The following RASEF variants were observed in gnomAD, a reference collection of about 807,000 sequenced individuals.
RASEF encodes the protein ras and EF-hand domain-containing protein.
In RASEF, 68 loss-of-function variants were observed where a neutral mutation model predicts 90.1. The ratio of observed to expected loss-of-function variants is 0.75; its 90% CI spans 0.62 to 0.92. The LOEUF is 0.92. Among genes scored for constraint, RASEF ranks in the 40% least tolerant of loss-of-function variants. The pLI is 0.00. For synonymous variants in RASEF, 331 were observed against 345.2 expected (o/e 0.96, Z 0.46); for missense variants, 949 against 937.2 (o/e 1.01, Z -0.16).
the RASEF span, among the ~76,000 whole-genome samples, chr9:83,216,523 C>T: frequency 5.3e-3 from 811 of 152,254 alleles, 9 homozygotes; most frequent in African/African-American, 0.019. Context: ...AGCCAAGAAC[C>T]GAGGTTTGGA....
intron 7 of RASEF, 29 bp downstream of exon 7, chr9:83,007,408 T>C: frequency 6.5e-7 from 1 of 1,529,198 alleles, no homozygotes; most frequent in Non-Finnish European, 9.1e-7. Context: ...GAAATGTAAA[T>C]GTAATGAGCA....
chr9:83,087,645 A>C, the RASEF span, among the ~76,000 whole-genome samples: 1 of 150,914 alleles, frequency 6.6e-6, no homozygotes, highest in African/African-American at 2.4e-5. Context: ...GATTTTATTG[A>C]GTCTTGTCTA....
the RASEF span, among the ~76,000 whole-genome samples, chr9:83,201,546 T>G: frequency 6.6e-6 from 1 of 152,220 alleles, no homozygotes; most frequent in Non-Finnish European, 1.5e-5. Flanking sequence ...GAAATGTTTT[T>G]GGAGTGAAAC....
At chr9:83,177,221 T>C in the RASEF span, among the ~76,000 whole-genome samples, 1 of 152,292 alleles carries the variant, frequency 6.6e-6, no homozygotes, top group African/African-American at 2.4e-5. Flanking sequence ...TATTTGTGCA[T>C]GTGTGAATGG....
At position 83,000,245 on chromosome 9, in the gene RASEF, G is replaced by A. The variant is rs1437016427; in HGVS notation, c.1647C>T (p.Asp549=). 19 of 1,613,764 alleles carry A rather than the reference G, an allele frequency of 1.2e-5. No individual in the cohort carries two copies. Among genetic ancestry groups the A allele is most frequent in the Admixed American group, 3.3e-5 (2 of 59,978 alleles). Residue 549 remains aspartate (D), a synonymous_variant, in exon 12 of 17, where the codon GAC becomes GAT. Transcript: ENST00000376447. ...QKAYKIVLAG[D]AAVGKSSFLM... is the part of the protein sequence containing the mutation. ...GGAAACTAGACTTCCCCACTGCAGC[G>A]TCCCCAGCAAGTACAATCTTGTAAG...
intron 1 of RASEF, among the ~76,000 whole-genome samples, chr9:83,042,921 C>T (rs1948797): frequency 0.011 from 1,614 of 152,292 alleles, 26 homozygotes; most frequent in South Asian, 0.082. Flanking sequence ...GGCAGCCTGA[C>T]GGCAAGGACA....
chr9:83,086,980 G>A, the RASEF span, among the ~76,000 whole-genome samples: 1 of 152,216 alleles, frequency 6.6e-6, no homozygotes, highest in African/African-American at 2.4e-5. Context: ...CAGGAGTTGG[G>A]GATCATTGGG....
chr9:82,990,039 T>C (rs1828781568), intron 16 of RASEF, among the ~76,000 whole-genome samples: 1 of 152,214 alleles, frequency 6.6e-6, no homozygotes, highest in African/African-American at 2.4e-5. Context: ...TTTTCCCCTT[T>C]TGCCCGGGAA....
chr9:83,104,605 A>G, the RASEF span, among the ~76,000 whole-genome samples: 1 of 151,962 alleles, frequency 6.6e-6, no homozygotes, highest in Non-Finnish European at 1.5e-5. Context: ...TCTGAACTAC[A>G]AAGAATGATT....
intron 14 of RASEF, among the ~76,000 whole-genome samples, chr9:82,996,671 C>T (rs1306481602): frequency 2.6e-5 from 4 of 152,216 alleles, no homozygotes; most frequent in Non-Finnish European, 4.4e-5. Context: ...AACTACACTA[C>T]ACAACCAACC....
chr9:83,063,513 C>T (rs549008882), upstream of RASEF, among the ~76,000 whole-genome samples: 26 of 152,310 alleles, frequency 1.7e-4, no homozygotes, highest in South Asian at 5.2e-3. Context: ...TTCTTACAAA[C>T]CAAAGTACAA....
At chr9:83,093,415 C>T in the RASEF span, among the ~76,000 whole-genome samples, 8 of 152,166 alleles carry the variant, frequency 5.3e-5, no homozygotes, top group South Asian at 2.1e-4. Context: ...TCAGGCATGG[C>T]GGGCTGCAGG....
chr9:83,178,809 T>G, the RASEF span, among the ~76,000 whole-genome samples: 3 of 152,312 alleles, frequency 2.0e-5, no homozygotes, highest in Admixed American at 2.0e-4. Context: ...ACTCACATTA[T>G]ATTGTTTTTA....
chr9:83,170,337 T>C, the RASEF span, among the ~76,000 whole-genome samples: 7 of 152,062 alleles, frequency 4.6e-5, no homozygotes, highest in Non-Finnish European at 7.4e-5. Flanking sequence ...AGCTTTGTAG[T>C]ATATTTGAGG....
At position 83,009,219 on chromosome 9, in the gene RASEF, G is replaced by A. The variant is rs567339351; in HGVS notation, c.959+422C>T. ...GTTCCTTATATATAAATACGTGTCT[G>A]TGAATGTATGTATGTGTATTAGGTT... is the stretch of plus-strand genomic sequence containing the variant. On this transcript the variant is annotated intron_variant, in intron 6 of 16. Transcript: ENST00000376447. 2.6e-5 allele frequency among the ~76,000 whole-genome samples: 4 copies of A among 151,952 alleles called. No individual in the cohort carries two copies. In the East Asian group the frequency reaches 7.8e-4, roughly 29 times the overall value.
At chr9:83,082,944 T>C in the RASEF span, among the ~76,000 whole-genome samples, 2 of 152,186 alleles carry the variant, frequency 1.3e-5, no homozygotes, top group African/African-American at 4.8e-5. Flanking sequence ...ATGCGCCCAG[T>C]GATCTGTAAG....
chr9:83,158,983 G>A, the RASEF span, among the ~76,000 whole-genome samples: 2 of 151,508 alleles, frequency 1.3e-5, no homozygotes, highest in Admixed American at 6.6e-5. Context: ...TCAGGAGATC[G>A]AGACCATCCT....
the RASEF span, among the ~76,000 whole-genome samples, chr9:83,081,080 C>T: frequency 1.3e-5 from 2 of 152,072 alleles, no homozygotes; most frequent in South Asian, 2.1e-4. Flanking sequence ...TTCATGCCCA[C>T]GATGATCCTC....
the RASEF span, among the ~76,000 whole-genome samples, chr9:83,168,203 G>T: frequency 6.6e-6 from 1 of 151,928 alleles, no homozygotes; most frequent in Non-Finnish European, 1.5e-5. Context: ...CAGCATAGTG[G>T]GTATGAAATG....
Sources: gnomAD v4.1 joint callset for allele counts (sites outside exome capture counted in the v4.1 genomes callset) on GRCh38, gnomAD v4.1.1 for gene constraint, MANE v1.5 for transcripts, NCBI Gene and HGNC (gene_info 2026-07-23, HGNC 2026-07-21) for gene names.